C1orf87: variants seen among roughly 807,000 people sequenced by gnomAD.
C1orf87 encodes uncharacterized protein C1orf87.
A neutral mutation model predicts 60.5 loss-of-function variants in C1orf87; 58 were observed. The ratio of observed to expected loss-of-function variants is 0.96; its 90% CI spans 0.78 to 1.19. The LOEUF is 1.19. Among genes scored for constraint, C1orf87 ranks in the 50% most tolerant of loss-of-function variants. C1orf87 has a pLI of 0.00. For synonymous variants in C1orf87, 236 were observed against 227.4 expected (o/e 1.04, Z -0.34); for missense variants, 673 against 638.6 (o/e 1.05, Z -0.58).
At chr1:60,044,294 C>T (rs1263140737) in intron 3 of C1orf87, among the ~76,000 whole-genome samples, 6 of 152,028 alleles carry the variant, frequency 3.9e-5, no homozygotes, top group Non-Finnish European at 7.4e-5. Flanking sequence ...CCTCCCAAAG[C>T]GCTGGGATTA....
At chr1:60,066,385 A>G (rs1250774272) in intron 2 of C1orf87, among the ~76,000 whole-genome samples, 2 of 152,206 alleles carry the variant, frequency 1.3e-5, no homozygotes, top group African/African-American at 4.8e-5. Context: ...CAATTCAACA[A>G]TGTTCACAGC....
intron 3 of C1orf87, among the ~76,000 whole-genome samples, chr1:60,054,536 G>T (rs80204571): frequency 0.027 from 4,060 of 152,264 alleles, 89 homozygotes; most frequent in Non-Finnish European, 0.041. Context: ...TGGCAGCATT[G>T]CAAAACTCCT....
rs377643063 is a variant in C1orf87, at chr1:60,023,621, T to C, written c.1127+1780A>G. ...CTTGTTTTCCCTTTTTGTCAATACCTTACAATCATATGATACTGTTGCTAT... is the reference window on the plus strand; with the variant it reads ...CTTGTTTTCCCTTTTTGTCAATACCCTACAATCATATGATACTGTTGCTAT... On this transcript the variant is annotated intron_variant, in intron 8 of 11. Transcript: ENST00000371201. Among the ~76,000 whole-genome samples the C allele has an allele frequency of 9.9e-5, 15 of 152,184 alleles. No homozygotes were observed. In the East Asian group the frequency reaches 2.5e-3, roughly 25 times the overall value.
intron 3 of C1orf87, among the ~76,000 whole-genome samples, chr1:60,054,799 G>GT (rs1645441096): frequency 6.6e-6 from 1 of 151,742 alleles, no homozygotes; most frequent in East Asian, 1.9e-4. Flanking sequence ...ATTTTTTTTT[G>GT]TAATTAGACA....
Position 60,039,967 on chromosome 1 carries a change from T to C in C1orf87, c.697A>G (p.Thr233Ala), listed in dbSNP as rs560344962. 6.2e-7 allele frequency: 1 copy of C among 1,614,104 alleles called. No individual in the cohort carries two copies. The highest frequency in any genetic ancestry group is 1.1e-5 in the South Asian group (1 of 91,082). Reference protein sequence around the residue: ...LKHEVPLQLPTVKILCQRFSK... With the variant: ...LKHEVPLQLPAVKILCQRFSK... The stretch of plus-strand genomic sequence containing the variant: ...AATCTCTGACAAAGGATTTTAACTG[T>C]TGGTAACTGTAGAGGGACTTCATGC... Residue 233 changes from threonine (T) to alanine (A), a missense_variant, in exon 5 of 12, where the codon ACA becomes GCA. Coordinates refer to ENST00000371201, the MANE Select transcript of C1orf87 (RefSeq NM_152377.3).
chr1:60,032,325 C>T (rs1337383762), intron 7 of C1orf87, among the ~76,000 whole-genome samples: 1 of 152,088 alleles, frequency 6.6e-6, no homozygotes. Flanking sequence ...TAATGAAGTG[C>T]CAATTCTGCC....
chr1:60,031,730 T>C (rs988160340), intron 7 of C1orf87, among the ~76,000 whole-genome samples: 3 of 152,048 alleles, frequency 2.0e-5, no homozygotes, highest in East Asian at 1.9e-4. Context: ...CTCAAAGAGG[T>C]TTAGTAAATA....
At chr1:60,073,341 G>A (rs1169827402) in intron 1 of C1orf87, among the ~76,000 whole-genome samples, 1 of 152,176 alleles carries the variant, frequency 6.6e-6, no homozygotes, top group Admixed American at 6.5e-5. Context: ...CTCCCTTTTA[G>A]AACCACCCAG....
intron 11 of C1orf87, among the ~76,000 whole-genome samples, chr1:59,997,399 A>G (rs940611706): frequency 2.6e-5 from 4 of 152,164 alleles, no homozygotes; most frequent in African/African-American, 2.4e-5. Flanking sequence ...TGCAGGAAGT[A>G]TTGGGAATAC....
chr1:60,044,232 G>A (rs1052508278), intron 3 of C1orf87, among the ~76,000 whole-genome samples: 7 of 151,620 alleles, frequency 4.6e-5, no homozygotes, highest in Non-Finnish European at 1.0e-4. Context: ...GGGTTTCACC[G>A]TGTTAGCCAG....
chr1:60,008,704 G>A (rs763205772), intron 9 of C1orf87: 82 of 456,082 alleles, frequency 1.8e-4, no homozygotes, highest in Non-Finnish European at 2.9e-4. Context: ...CCCTAGCCAC[G>A]TGTGAAACCT....
intron 11 of C1orf87, among the ~76,000 whole-genome samples, chr1:59,992,900 A>G (rs1644934884): frequency 6.6e-6 from 1 of 152,110 alleles, no homozygotes; most frequent in South Asian, 2.1e-4. Flanking sequence ...TGTCTCTCTT[A>G]TTAGAACAGT....
chr1:60,051,108 C>T (rs547912735), intron 3 of C1orf87, among the ~76,000 whole-genome samples: 1 of 152,194 alleles, frequency 6.6e-6, no homozygotes, highest in South Asian at 2.1e-4. Context: ...TGAAAGGGAA[C>T]AGAACTCTAT....
chr1:60,060,954 T>G (rs978582569), intron 2 of C1orf87, among the ~76,000 whole-genome samples: 4 of 152,156 alleles, frequency 2.6e-5, no homozygotes, highest in Non-Finnish European at 5.9e-5. Flanking sequence ...TGTTTCGCTT[T>G]TGCAAGTCTA....
At chr1:60,013,293 A>G (rs1452779199) in intron 8 of C1orf87, among the ~76,000 whole-genome samples, 4 of 151,980 alleles carry the variant, frequency 2.6e-5, no homozygotes, top group Non-Finnish European at 4.4e-5. Context: ...ATTCTTTCAT[A>G]TCTACTATCC....
Position 60,039,900 on chromosome 1 carries a change from T to C in C1orf87, c.747+17A>G. 1.2e-6 allele frequency: 2 copies of C among 1,606,822 alleles called. No homozygotes were observed. Among genetic ancestry groups the C allele is most frequent in the Non-Finnish European group, 1.7e-6 (2 of 1,177,434 alleles). ...AAACAAAAGGAACCCACACTTCCAA[T>C]AGTACAATTGCCATACCATTTCAGG... On this transcript the variant is annotated intron_variant, in intron 5 of 11. Transcript: ENST00000371201.
intron 2 of C1orf87, among the ~76,000 whole-genome samples, chr1:60,067,957 C>T (rs1223302577): frequency 6.6e-6 from 1 of 152,080 alleles, no homozygotes; most frequent in African/African-American, 2.4e-5. Context: ...CCAGTTTTCC[C>T]AGCACCATCT....
chr1:60,040,949 C>T (rs1030686776), intron 4 of C1orf87, 42 bp downstream of exon 4: 1 of 1,522,996 alleles, frequency 6.6e-7, no homozygotes, highest in African/African-American at 1.4e-5. Flanking sequence ...AACACTCCTT[C>T]ATCTACAATA....
intron 2 of C1orf87, among the ~76,000 whole-genome samples, chr1:60,070,629 A>C (rs751055083): frequency 6.6e-6 from 1 of 152,204 alleles, no homozygotes; most frequent in Non-Finnish European, 1.5e-5. Flanking sequence ...AGTAACATGA[A>C]GTCTATAGGA....
Sources: gnomAD v4.1 joint callset for allele counts (sites outside exome capture counted in the v4.1 genomes callset) on GRCh38, gnomAD v4.1.1 for gene constraint, MANE v1.5 for transcripts, NCBI Gene and HGNC (gene_info 2026-07-23, HGNC 2026-07-21) for gene names.